REEP3: variants seen among roughly 807,000 people sequenced by gnomAD.
REEP3 encodes receptor expression-enhancing protein 3.
A neutral mutation model predicts 41.3 loss-of-function variants in REEP3; 20 were observed. The ratio of observed to expected loss-of-function variants is 0.48; its 90% CI spans 0.34 to 0.70. REEP3 has a LOEUF of 0.70. Ranked by LOEUF, REEP3 falls within the 30% of genes least tolerant of loss-of-function variation. REEP3 has a pLI of 0.01. For synonymous variants in REEP3, 104 were observed against 101.8 expected (o/e 1.02, Z -0.13); for missense variants, 271 against 308.8 (o/e 0.88, Z 0.92).
chr10:63,524,927 A>G (rs556829039), intron 1 of REEP3, among the ~76,000 whole-genome samples: 2 of 151,944 alleles, frequency 1.3e-5, no homozygotes, highest in South Asian at 4.2e-4. Context: ...CACTAGAATC[A>G]CTTGAACCCT....
chr10:63,564,440 T>A (rs1461866233), intron 1 of REEP3, among the ~76,000 whole-genome samples: 1 of 151,916 alleles, frequency 6.6e-6, no homozygotes, highest in Non-Finnish European at 1.5e-5. Flanking sequence ...CTGGGCAACA[T>A]GGCGAAATCC....
intron 2 of REEP3, among the ~76,000 whole-genome samples, chr10:63,586,661 T>G (rs1287314011): frequency 2.0e-5 from 3 of 152,166 alleles, no homozygotes; most frequent in African/African-American, 7.2e-5. Context: ...ACTTGTTAAG[T>G]TAACCCAGTT....
intron 1 of REEP3, among the ~76,000 whole-genome samples, chr10:63,531,930 TTTA>T (rs1955424522): frequency 6.6e-6 from 1 of 152,274 alleles, no homozygotes; most frequent in Non-Finnish European, 1.5e-5. Flanking sequence ...TGTCACAATC[TTTA>T]TTATTTCAAA....
At chr10:63,565,756 A>G (rs1955792115) in intron 1 of REEP3, among the ~76,000 whole-genome samples, 1 of 152,176 alleles carries the variant, frequency 6.6e-6, no homozygotes, top group South Asian at 2.1e-4. Flanking sequence ...GTGATTTCCT[A>G]CATTTTCTAA....
chr10:63,584,487 A>T (rs1471039670), intron 2 of REEP3, among the ~76,000 whole-genome samples: 1 of 150,796 alleles, frequency 6.6e-6, no homozygotes, highest in Non-Finnish European at 1.5e-5. Flanking sequence ...CTTTGGATTT[A>T]ACTTCAAATA....
intron 5 of REEP3, among the ~76,000 whole-genome samples, chr10:63,606,547 G>C (rs1469001412): frequency 1.3e-5 from 2 of 152,002 alleles, no homozygotes; most frequent in South Asian, 4.1e-4. Flanking sequence ...CACTGCACCA[G>C]GTCCTTTTCT....
At chr10:63,601,498 A>G (rs898673550) in intron 5 of REEP3, among the ~76,000 whole-genome samples, 11 of 152,204 alleles carry the variant, frequency 7.2e-5, no homozygotes, top group Non-Finnish European at 1.2e-4. Flanking sequence ...CAAAGAGAAC[A>G]CCACACAGCA....
chr10:63,575,836 C>G (rs962177066), intron 2 of REEP3, among the ~76,000 whole-genome samples: 1 of 152,170 alleles, frequency 6.6e-6, no homozygotes, highest in African/African-American at 2.4e-5. Flanking sequence ...CAGGTTCAAG[C>G]AATTCTCCTG....
rs1432950851 is a variant in REEP3, at chr10:63,622,450, ACT to A, written c.*1584_*1585del. The A allele has an allele frequency of 6.6e-5, 10 of 152,166 alleles. No homozygotes were observed. The South Asian group carries it at 8.3e-4, about 13-fold the overall frequency. The allele number at this position is 152,166 out of a possible 1,614,324, so 9.4% of individuals were successfully genotyped here. ...TTCTCCCAACGTTTAATTCTGAATAACTCTATCTACTTTACCCTAATTTTTAG... is the reference window on the plus strand; with the variant it reads ...TTCTCCCAACGTTTAATTCTGAATAACTATCTACTTTACCCTAATTTTTAG... On this transcript the variant is annotated 3_prime_UTR_variant, in exon 8 of 8. Coordinates refer to ENST00000373758, the MANE Select transcript of REEP3 (RefSeq NM_001001330.3).
At chr10:63,610,390 A>C in intron 6 of REEP3, 56 bp downstream of exon 6, 1 of 1,517,896 alleles carries the variant, frequency 6.6e-7, no homozygotes, top group Non-Finnish European at 8.9e-7. Flanking sequence ...GGAGGGGAAC[A>C]ACATACACTG....
chr10:63,545,679 T>TG (rs1484983996), intron 1 of REEP3, among the ~76,000 whole-genome samples: 1 of 130,502 alleles, frequency 7.7e-6, no homozygotes, highest in Admixed American at 8.3e-5. Context: ...GGCCAACTTC[T>TG]GTTTTTTTTT....
intron 1 of REEP3, among the ~76,000 whole-genome samples, chr10:63,556,926 C>A (rs887797182): frequency 6.6e-6 from 1 of 151,992 alleles, no homozygotes; most frequent in Non-Finnish European, 1.5e-5. Context: ...TGAGCCACCG[C>A]GCCCGGCCTT....
chr10:63,535,083 G>A (rs1246925180), intron 1 of REEP3, among the ~76,000 whole-genome samples: 3 of 152,012 alleles, frequency 2.0e-5, no homozygotes, highest in Admixed American at 2.0e-4. Context: ...GTCATGTGAA[G>A]AGAAATAATA....
In REEP3 at chr10:63,599,244, A is replaced by T; in HGVS notation, c.378A>T (p.Leu126Phe). ...TGGTAAACTTTGGACGGCAAGGTTTAAACCTTGCAGCTACTGCTGCTGTTA... is the reference window on the plus strand; with the variant it reads ...TGGTAAACTTTGGACGGCAAGGTTTTAACCTTGCAGCTACTGCTGCTGTTA... ...ETMVNFGRQG[L>F]NLAATAAVTA... is the part of the protein sequence containing the mutation. The change falls in exon 5 of 8, where the codon TTA becomes TTT. Residue 126 changes from leucine (L) to phenylalanine (F), a missense_variant. By Grantham distance (22) the Leu-to-Phe change is conservative. Transcript: ENST00000373758. The T allele has an allele frequency of 6.3e-7, 1 of 1,579,606 alleles. No individual in the cohort carries two copies. The highest frequency in any genetic ancestry group is 8.6e-7 in the Non-Finnish European group (1 of 1,165,730).
chr10:63,561,649 G>A (rs1004617866), intron 1 of REEP3, among the ~76,000 whole-genome samples: 7 of 152,230 alleles, frequency 4.6e-5, no homozygotes, highest in African/African-American at 1.2e-4. Context: ...CTGACAGTGG[G>A]CACAGAGGAA....
intron 1 of REEP3, among the ~76,000 whole-genome samples, chr10:63,526,633 T>C (rs760138752): frequency 8.5e-5 from 13 of 152,112 alleles, no homozygotes; most frequent in Non-Finnish European, 1.9e-4. Flanking sequence ...TGTTTTCTTT[T>C]GTATTTTATT....
chr10:63,556,163 G>T (rs1204781771), intron 1 of REEP3, among the ~76,000 whole-genome samples: 4 of 152,084 alleles, frequency 2.6e-5, no homozygotes, highest in Non-Finnish European at 4.4e-5. Context: ...AGACAGAGTC[G>T]CTCTGTCACC....
At chr10:63,559,129 GTTATA>G (rs1564478373) in intron 1 of REEP3, among the ~76,000 whole-genome samples, 2 of 152,022 alleles carry the variant, frequency 1.3e-5, no homozygotes, top group African/African-American at 4.8e-5. Flanking sequence ...TAAATTATTT[GTTATA>G]TTTATTTTTA....
chr10:63,568,101 A>T (rs944518627), intron 2 of REEP3, among the ~76,000 whole-genome samples: 4 of 143,966 alleles, frequency 2.8e-5, no homozygotes. Flanking sequence ...CATGGCTTGA[A>T]GGTTCATATT....
Sources: gnomAD v4.1 joint callset for allele counts (sites outside exome capture counted in the v4.1 genomes callset) on GRCh38, gnomAD v4.1.1 for gene constraint, MANE v1.5 for transcripts, NCBI Gene and HGNC (gene_info 2026-07-23, HGNC 2026-07-21) for gene names.